Variants in UBTF observed in about 807,000 individuals in gnomAD.
The protein encoded by UBTF is nucleolar transcription factor 1.
A neutral mutation model predicts 112.3 loss-of-function variants in UBTF; 8 were observed. The observed-to-expected ratio is 0.07, with a 90% CI of 0.04 to 0.13. The LOEUF is 0.13. UBTF is among the 10% of genes least tolerant of loss of function. UBTF has a pLI of 1.00. For synonymous variants in UBTF, 417 were observed against 373.1 expected (o/e 1.12, Z -1.36); for missense variants, 457 against 982.1 (o/e 0.47, Z 7.15).
rs376136258 is a variant in UBTF at position 44,211,011 on chromosome 17, C to T, written c.1203+28G>A. On this transcript the variant is annotated intron_variant, in intron 12 of 20. Coordinates refer to ENST00000436088, the MANE Select transcript of UBTF (RefSeq NM_014233.4). The surrounding 1 kb of genome is among the most constrained non-coding windows in gnomAD (Gnocchi z 4.9). The stretch of plus-strand genomic sequence containing the variant: ...CAGGGAGCCCAGTCTTGCCCACCCC[C>T]GCCTGCGCGGCCGCACCCTCTGCCC... 18 of 1,603,626 alleles carry T rather than the reference C, an allele frequency of 1.1e-5. No homozygotes were observed. Among genetic ancestry groups the T allele is most frequent in the African/African-American group, 9.3e-5 (7 of 74,870 alleles).
rs1165152625 is a variant in UBTF at position 44,219,568 on chromosome 17, C to G, written c.-191G>C. On this transcript the variant is annotated 5_prime_UTR_variant, in exon 1 of 21. Coordinates refer to ENST00000436088, the MANE Select transcript of UBTF (RefSeq NM_014233.4). ...CCCTCCCGCGGCGGCAGCGGCTCCT[C>G]CTCCGGGCGAGGCGGCGGCGCTGGG... is the stretch of plus-strand genomic sequence containing the variant. 6.3e-6 allele frequency: 1 copy of G among 158,986 alleles called. No homozygotes were observed. Among genetic ancestry groups the G allele is most frequent in the Non-Finnish European group, 1.3e-5 (1 of 74,256 alleles). 9.8% of individuals were successfully genotyped at this position (158,986 alleles called of 1,614,324 possible).
In UBTF at chr17:44,210,312, T is replaced by G. The variant is rs767456658; in HGVS notation, c.1515+6A>C. On this transcript the variant is annotated splice_donor_region_variant and intron_variant, in intron 14 of 20. Coordinates refer to ENST00000436088, the MANE Select transcript of UBTF (RefSeq NM_014233.4). ...CTGCAGTACTACCCTTTCCCACCCC[T>G]GTCACCTTGAAGCGGGCCAGGTAGT... The G allele has an allele frequency of 3.1e-6, 5 of 1,612,780 alleles. No homozygotes were observed. The highest frequency in any genetic ancestry group is 4.2e-6 in the Non-Finnish European group (5 of 1,179,410).
chr17:44,216,888 G>A (rs1450409865), intron 2 of UBTF, among the ~76,000 whole-genome samples, 184 bp from the exon 3 acceptor site: 1 of 152,208 alleles, frequency 6.6e-6, no homozygotes, highest in East Asian at 1.9e-4. Flanking sequence ...GATCAGGGCA[G>A]GGACTCCAGT....
rs2056669034 is a variant in UBTF, at chr17:44,211,395, CGGA to C, written c.1048-67_1048-65del. Reference sequence around the variant, plus strand: ...GTGTCACCACAGACCCTGCAGTACTCGGAGGACAGTGACCTTCAGCGGGCCTCC... The same window carrying C: ...GTGTCACCACAGACCCTGCAGTACTCGGACAGTGACCTTCAGCGGGCCTCC... On this transcript the variant is annotated intron_variant, in intron 10 of 20. Coordinates refer to ENST00000436088, the MANE Select transcript of UBTF (RefSeq NM_014233.4). The surrounding 1 kb of genome is among the most constrained non-coding windows in gnomAD (Gnocchi z 4.9). The C allele has an allele frequency of 8.7e-6, 14 of 1,605,838 alleles. No individual in the cohort carries two copies. In the Admixed American group the frequency reaches 2.2e-4, roughly 25 times the overall value.
Position 44,211,371 on chromosome 17 carries a change from T to A in UBTF, c.1048-40A>T. 1.2e-6 allele frequency: 2 copies of A among 1,612,496 alleles called. No homozygotes were observed. The highest frequency in any genetic ancestry group is 1.7e-6 in the Non-Finnish European group (2 of 1,179,190). On this transcript the variant is annotated intron_variant, in intron 10 of 20. Transcript: ENST00000436088. The surrounding 1 kb of genome is among the most constrained non-coding windows in gnomAD (Gnocchi z 4.9). ...GGAGTCAGGATCAGTCTGGAGACAG[T>A]GTCACCACAGACCCTGCAGTACTCG... is the stretch of plus-strand genomic sequence containing the variant.
chr17:44,220,551 T>A (rs547282825), upstream of UBTF, among the ~76,000 whole-genome samples: 2 of 146,150 alleles, frequency 1.4e-5, no homozygotes, highest in Admixed American at 1.3e-4. Flanking sequence ...AAAAAAAAAA[T>A]CCCCGTTGCT....
chr17:44,221,038 C>T (rs1268448570), upstream of UBTF: 1 of 151,210 alleles, frequency 6.6e-6, no homozygotes. Context: ...CCCTCCGCCT[C>T]CTCCGGGCGG....
chr17:44,215,203 CG>C (rs1404279597), intron 5 of UBTF, among the ~76,000 whole-genome samples: 3 of 152,206 alleles, frequency 2.0e-5, no homozygotes, highest in African/African-American at 7.2e-5. Flanking sequence ...TTGTGTCACC[CG>C]GGACACTTAA....
At position 44,205,637 on chromosome 17, in the gene UBTF, C is replaced by A. The variant is rs1173495343; in HGVS notation, c.*1605G>T. 6.6e-6 allele frequency: 1 copy of A among 152,192 alleles called. No individual in the cohort carries two copies. The highest frequency in any genetic ancestry group is 1.5e-5 in the Non-Finnish European group (1 of 68,048). The allele number at this position is 152,192 out of a possible 1,614,324, so 9.4% of individuals were successfully genotyped here. A position where few individuals can be genotyped will look rare whatever the true frequency, so the allele number is the denominator to read the frequency against. On this transcript the variant is annotated 3_prime_UTR_variant, in exon 21 of 21. Coordinates refer to ENST00000436088, the MANE Select transcript of UBTF (RefSeq NM_014233.4). ...AGGGACCCACCAGCCTCTCTGGGAC[C>A]AGGGCCCTTCACCGTTCTTGCTCCA... is the stretch of plus-strand genomic sequence containing the variant.
rs2056192735 is a variant in UBTF at position 44,205,430 on chromosome 17, A to G, written c.*1812T>C. The G allele has an allele frequency of 6.6e-6, 1 of 152,600 alleles. No individual in the cohort carries two copies. Among genetic ancestry groups the G allele is most frequent in the South Asian group, 2.1e-4 (1 of 4,830 alleles). 9.5% of individuals were successfully genotyped at this position (152,600 alleles called of 1,614,324 possible). A position where few individuals can be genotyped will look rare whatever the true frequency, so the allele number is the denominator to read the frequency against. ...AACACAACAGTGTAGGGGCATCCAA[A>G]TAGGAAACTGGGGTTCTTTGCAGGG... is the stretch of plus-strand genomic sequence containing the variant. On this transcript the variant is annotated 3_prime_UTR_variant, in exon 21 of 21. Transcript: ENST00000436088.
rs767456658 is a variant in UBTF at position 44,210,312 on chromosome 17, T to C, written c.1515+6A>G. The C allele has an allele frequency of 9.9e-6, 16 of 1,612,662 alleles. No homozygotes were observed. The East Asian group carries it at 2.7e-4, about 27-fold the overall frequency. On this transcript the variant is annotated splice_donor_region_variant and intron_variant, in intron 14 of 20. Transcript: ENST00000436088. ...CTGCAGTACTACCCTTTCCCACCCC[T>C]GTCACCTTGAAGCGGGCCAGGTAGT...
At position 44,211,207 on chromosome 17, in the gene UBTF, G is replaced by A. The variant is rs2056654781; in HGVS notation, c.1090-55C>T. Reference sequence around the variant, plus strand: ...ATGCCTGGCACCCAGACTGCATGGTGCCCTATCTCCAGGGGCTCACCAGGG... The same window carrying A: ...ATGCCTGGCACCCAGACTGCATGGTACCCTATCTCCAGGGGCTCACCAGGG... On this transcript the variant is annotated intron_variant, in intron 11 of 20. Transcript: ENST00000436088. The surrounding 1 kb of genome is among the most constrained non-coding windows in gnomAD (Gnocchi z 4.9). 2 of 1,613,408 alleles carry A rather than the reference G, an allele frequency of 1.2e-6. No individual in the cohort carries two copies. Among genetic ancestry groups the A allele is most frequent in the South Asian group, 1.1e-5 (1 of 91,084 alleles).
At chr17:44,208,092 ATTTTTTTTTTTT>A (rs57107684) in intron 17 of UBTF, among the ~76,000 whole-genome samples, 181 bp from the exon 18 acceptor site, 42 of 117,994 alleles carry the variant, frequency 3.6e-4, no homozygotes, top group East Asian at 1.6e-3. Context: ...CACAGCTCTA[ATTTTTTTTTTTT>A]TTTTTTTTTT....
chr17:44,207,165 G>A lies in UBTF; in HGVS notation c.*77C>T. On this transcript the variant is annotated 3_prime_UTR_variant, in exon 21 of 21. Transcript: ENST00000436088. ...GCCAGGGGGGCAAGGGACAGAACAT[G>A]GGGGAGAAACAAAGGTGGTCAGTTG... The A allele has an allele frequency of 6.5e-7, 1 of 1,539,158 alleles. No individual in the cohort carries two copies. Among genetic ancestry groups the A allele is most frequent in the Middle Eastern group, 1.8e-4 (1 of 5,462 alleles).
rs373809634 is a variant in UBTF at position 44,211,755 on chromosome 17, A to G, written c.906-8T>C. The G allele has an allele frequency of 3.1e-6, 5 of 1,604,012 alleles. No homozygotes were observed. Among genetic ancestry groups the G allele is most frequent in the Admixed American group, 1.7e-5 (1 of 59,896 alleles). Reference sequence around the variant, plus strand: ...TACAGCGAGTAGCTGTTCCTATCAGAGCCGCGGGGAGAGAGGTGCAGCCCG... The same window carrying G: ...TACAGCGAGTAGCTGTTCCTATCAGGGCCGCGGGGAGAGAGGTGCAGCCCG... On this transcript the variant is annotated splice_polypyrimidine_tract_variant and splice_region_variant and intron_variant, in intron 9 of 20. Transcript: ENST00000436088. The surrounding 1 kb of genome is among the most constrained non-coding windows in gnomAD (Gnocchi z 4.9).
chr17:44,207,641 A>G (rs1256327268), intron 19 of UBTF, 44 bp from the exon 20 acceptor site: 1 of 1,614,030 alleles, frequency 6.2e-7, no homozygotes, highest in African/African-American at 1.3e-5. Flanking sequence ...GTCTCTGCCC[A>G]ACCATTCCAG....
In UBTF at chr17:44,210,805, G is replaced by C; in HGVS notation, c.1346C>G (p.Ser449Cys). ...RLLARMWNDL[S>C]EKKKAKYKAR... ...AGGCAGCCTGACCTTCTTCTTCTCAGACAGGTCGTTCCACATTCGGGCCAG... is the reference window on the plus strand; with the variant it reads ...AGGCAGCCTGACCTTCTTCTTCTCACACAGGTCGTTCCACATTCGGGCCAG... Residue 449 changes from serine (S) to cysteine (C), a missense_variant, in exon 13 of 21, where the codon TCT (serine) becomes TGT (cysteine). Around this residue, in one of 7 missense-constraint regions of UBTF, gnomAD observed 108 missense variants for 137.4 expected, o/e 0.79. Transcript: ENST00000436088. The C allele has an allele frequency of 1.3e-6, 2 of 1,566,196 alleles. No homozygotes were observed. The highest frequency in any genetic ancestry group is 1.2e-5 in the South Asian group (1 of 86,080).
chr17:44,210,608 C>T (rs1598231259), intron 13 of UBTF, 135 bp from the exon 14 acceptor site: 23 of 1,391,554 alleles, frequency 1.7e-5, no homozygotes, highest in Non-Finnish European at 2.1e-5. Flanking sequence ...GGGCTCGCCC[C>T]CGCCTGGTCT....
chr17:44,215,606 CT>C (rs777939481), intron 5 of UBTF, 47 bp downstream of exon 5: 1 of 1,606,346 alleles, frequency 6.2e-7, no homozygotes, highest in East Asian at 2.2e-5. Context: ...ACCACACCAG[CT>C]GCTCCCAGCC....
Sources: allele counts gnomAD v4.1 joint callset (sites outside exome capture counted in the v4.1 genomes callset), GRCh38; gene constraint gnomAD v4.1.1; regional missense constraint gnomAD v4.1.1; non-coding constraint Gnocchi (gnomAD v3.1); transcripts MANE v1.5; gene names NCBI Gene and HGNC (gene_info 2026-07-23, HGNC 2026-07-21).